Variants in PEMT observed in about 807,000 individuals in gnomAD.
PEMT encodes phospholipid methyltransferase.
PEMT carries 23 observed loss-of-function variants against 27.4 expected under a neutral mutation model. The ratio of observed to expected loss-of-function variants is 0.84; its 90% CI spans 0.60 to 1.19. The LOEUF (loss-of-function observed/expected upper bound fraction) is 1.19, where lower values mean the gene tolerates loss of function less well. PEMT is among the 50% of genes most tolerant of loss of function. PEMT has a pLI of 0.00. For missense variants in PEMT, 307 were observed against 310.1 expected (o/e 0.99, Z 0.07); for synonymous variants, 137 against 139.1 (o/e 0.98, Z 0.11).
chr17:17,543,556 A>G (rs1431391855), intron 2 of PEMT, among the ~76,000 whole-genome samples: 1 of 151,724 alleles, frequency 6.6e-6, no homozygotes, highest in Non-Finnish European at 1.5e-5. Context: ...AAAGGGCAAA[A>G]TCCAGCTTGT....
At chr17:17,574,043 A>G (rs897401944) in intron 2 of PEMT, among the ~76,000 whole-genome samples, 1 of 152,032 alleles carries the variant, frequency 6.6e-6, no homozygotes, top group African/African-American at 2.4e-5. Flanking sequence ...GGCTTCTGGC[A>G]TCACAGAGCT....
At chr17:17,508,721 G>A (rs1003892696) in intron 5 of PEMT, 8 of 459,204 alleles carry the variant, frequency 1.7e-5, no homozygotes, top group Non-Finnish European at 2.7e-5. Flanking sequence ...CTGACCCGCC[G>A]GGGGAGCACA....
chr17:17,530,340 C>G (rs1908000970), intron 2 of PEMT, among the ~76,000 whole-genome samples: 1 of 152,156 alleles, frequency 6.6e-6, no homozygotes, highest in Non-Finnish European at 1.5e-5. Context: ...TACGAAAATA[C>G]AAAAATTAGC....
chr17:17,591,469 A>C (rs924290279), intron 1 of PEMT, 62 bp downstream of exon 1: 4 of 1,342,622 alleles, frequency 3.0e-6, no homozygotes, highest in Non-Finnish European at 4.1e-6. Context: ...GCAAGCCTTC[A>C]CGCCCCTCGG....
intron 3 of PEMT, among the ~76,000 whole-genome samples, chr17:17,515,332 C>T (rs1323181361): frequency 6.6e-6 from 1 of 152,238 alleles, no homozygotes; most frequent in Non-Finnish European, 1.5e-5. Flanking sequence ...ATCAGATCTG[C>T]TTGGAAGCAG....
chr17:17,570,413 T>G (rs1199236288), intron 2 of PEMT: 1 of 674,488 alleles, frequency 1.5e-6, no homozygotes, highest in Admixed American at 6.3e-5. Context: ...ACCACTCAGA[T>G]GGCCTGGGCT....
Position 17,513,321 on chromosome 17 carries a change from G to C in PEMT, c.321-667C>G, listed in dbSNP as rs995754831. On this transcript the variant is annotated intron_variant, in intron 3 of 6. Coordinates refer to ENST00000255389, the MANE Select transcript of PEMT (RefSeq NM_148172.3). The surrounding 1 kb of genome is among the most constrained non-coding windows in gnomAD (Gnocchi z 4.1). ...CTTGTAAAAAGGTAGTGGGGTCCAG[G>C]TGTGGTGGCTCACGCCTGCAATCCC... is the stretch of plus-strand genomic sequence containing the variant. Among the ~76,000 whole-genome samples, 3 of 152,224 alleles carry C rather than the reference G, an allele frequency of 2.0e-5. No homozygotes were observed. The highest frequency in any genetic ancestry group is 4.4e-5 in the Non-Finnish European group (3 of 68,042).
intron 1 of PEMT, among the ~76,000 whole-genome samples, chr17:17,579,874 C>G (rs1215899031): frequency 1.3e-5 from 2 of 152,206 alleles, no homozygotes; most frequent in East Asian, 3.9e-4. Flanking sequence ...AGAAGGAACC[C>G]AGGGAAGCAC....
At chr17:17,522,203 A>G (rs3744120) in intron 3 of PEMT, 77 bp downstream of exon 3, 14,430 of 1,032,732 alleles carry the variant, frequency 0.014, 709 homozygotes, top group East Asian at 0.14. Flanking sequence ...CCGCGTGGTG[A>G]GGGATGAGGT....
intron 1 of PEMT, among the ~76,000 whole-genome samples, chr17:17,583,779 C>G (rs1912098247): frequency 6.6e-6 from 1 of 152,198 alleles, no homozygotes; most frequent in South Asian, 2.1e-4. Context: ...CTGGAGGGAC[C>G]CTCCTGGGAA....
chr17:17,581,803 G>A (rs993204154), intron 1 of PEMT, among the ~76,000 whole-genome samples: 13 of 152,192 alleles, frequency 8.5e-5, no homozygotes, highest in African/African-American at 2.7e-4. Context: ...GAGGATTTAT[G>A]TTGCCCGGAG....
intron 2 of PEMT, among the ~76,000 whole-genome samples, chr17:17,551,796 G>A (rs547137654): frequency 2.0e-5 from 3 of 152,298 alleles, no homozygotes; most frequent in East Asian, 1.9e-4. Flanking sequence ...GCTGGTCAGC[G>A]ACCCCTCGTC....
At chr17:17,577,834 G>A (rs867859507) in intron 1 of PEMT, among the ~76,000 whole-genome samples, 22 of 151,916 alleles carry the variant, frequency 1.4e-4, no homozygotes, top group Non-Finnish European at 2.4e-4. Flanking sequence ...TGGCTAACAC[G>A]GTGAAACCCC....
chr17:17,585,883 T>A (rs532008068), intron 1 of PEMT, among the ~76,000 whole-genome samples: 6 of 151,392 alleles, frequency 4.0e-5, no homozygotes, highest in South Asian at 2.1e-4. Flanking sequence ...GAGATCGAGA[T>A]CATCCTGGCT....
At chr17:17,545,903 C>T (rs917520309) in intron 2 of PEMT, among the ~76,000 whole-genome samples, 6 of 152,048 alleles carry the variant, frequency 3.9e-5, no homozygotes, top group Admixed American at 2.0e-4. Context: ...AAAAAAGTAC[C>T]GCTCTGCCTG....
intron 1 of PEMT, among the ~76,000 whole-genome samples, chr17:17,587,172 A>C (rs1309251512): frequency 3.9e-5 from 6 of 152,102 alleles, no homozygotes; most frequent in Non-Finnish European, 7.4e-5. Context: ...TTTCCCAATA[A>C]AACTGAGAAA....
chr17:17,522,444 C>G, intron 2 of PEMT, 49 bp from the exon 3 acceptor site: 26 of 1,091,372 alleles, frequency 2.4e-5, no homozygotes, highest in East Asian at 4.9e-5. Flanking sequence ...GGGGAGACTC[C>G]AGGGTGGGGG....
intron 2 of PEMT, among the ~76,000 whole-genome samples, chr17:17,576,027 T>C (rs535738854): frequency 2.1e-4 from 32 of 152,262 alleles, no homozygotes; most frequent in Admixed American, 1.2e-3. Flanking sequence ...CAGATTAGCC[T>C]CGGGGGTGAT....
Position 17,543,218 on chromosome 17 carries a change from C to T in PEMT, c.205-20823G>A, listed in dbSNP as rs186180140. 3.6e-3 allele frequency among the ~76,000 whole-genome samples: 550 copies of T among 152,346 alleles called. 11 individuals are homozygous for T. The highest frequency in any genetic ancestry group is 1.3e-3 in the East Asian group (7 of 5,186). ...CTCGCATGTGCATGTGACCACTGAC[C>T]GTCCACTGCCAGGGCGTTCTTCCCA... On this transcript the variant is annotated intron_variant, in intron 2 of 6. Transcript: ENST00000255389.
Sources: allele counts gnomAD v4.1 joint callset (sites outside exome capture counted in the v4.1 genomes callset), GRCh38; gene constraint gnomAD v4.1.1; non-coding constraint Gnocchi (gnomAD v3.1); transcripts MANE v1.5; gene names NCBI Gene and HGNC (gene_info 2026-07-23, HGNC 2026-07-21).